RP1: variants seen among roughly 807,000 people sequenced by gnomAD.
RP1 encodes RP1 axonemal microtubule associated, also known as oxygen-regulated protein 1.
RP1 carries 16 observed loss-of-function variants against 14.8 expected under a neutral mutation model. The observed-to-expected ratio is 1.08, with a 90% confidence interval of 0.73 to 1.65. RP1 has a LOEUF of 1.65. Ranked by LOEUF, RP1 falls within the 40% of genes most tolerant of loss-of-function variation. The pLI is 0.00. For missense variants in RP1, 2,631 were observed against 2,535.0 expected (o/e 1.04, Z -0.81); for synonymous variants, 876 against 883.6 (o/e 0.99, Z 0.15).
At chr8:54,748,356 T>C (rs971204345) in intron 19 of RP1, among the ~76,000 whole-genome samples, 1 of 152,212 alleles carries the variant, frequency 6.6e-6, no homozygotes, top group Non-Finnish European at 1.5e-5. Flanking sequence ...AGCACCAGCT[T>C]CTTTTCACAA....
At chr8:54,760,483 T>C (rs1028805000) in intron 22 of RP1, among the ~76,000 whole-genome samples, 6 of 152,194 alleles carry the variant, frequency 3.9e-5, no homozygotes, top group Non-Finnish European at 8.8e-5. Flanking sequence ...TGCCTGAAAA[T>C]GTTTCAAGAA....
chr8:54,719,408 C>T (rs1808484083), intron 15 of RP1, among the ~76,000 whole-genome samples: 1 of 152,070 alleles, frequency 6.6e-6, no homozygotes, highest in Non-Finnish European at 1.5e-5. Context: ...TGAGGGGAGA[C>T]CAGAATATAA....
At position 54,865,845 on chromosome 8, in the gene RP1, G is replaced by A. The variant is rs1422538087; in HGVS notation, c.4080G>A (p.Trp1360Ter). 3 of 1,222,892 alleles carry A rather than the reference G, an allele frequency of 2.5e-6. No homozygotes were observed. The highest frequency in any genetic ancestry group is 4.1e-5 in the South Asian group (1 of 24,162). The allele number at this position is 1,222,892 out of a possible 1,614,324, so 75.8% of individuals were successfully genotyped here. The stretch of plus-strand genomic sequence containing the variant: ...TGTCAACTGACACAGGTAATGGATG[G>A]TTTCTTGGGAGTATTGTTGTTAAGT... The change falls in exon 28 of 29, where the codon TGG becomes TGA. Residue 1360 changes from tryptophan (W) to a stop codon, truncating the protein, a stop_gained. Coordinates refer to the RP1 transcript ENST00000637698. LOFTEE classifies it high-confidence loss of function.
chr8:54,834,769 A>T (rs1383082549), intron 24 of RP1, among the ~76,000 whole-genome samples: 1 of 151,734 alleles, frequency 6.6e-6, no homozygotes, highest in Non-Finnish European at 1.5e-5. Flanking sequence ...TTTAGTTTAT[A>T]CTTCTACATT....
At chr8:54,719,714 A>C (rs1280562602) in intron 15 of RP1, among the ~76,000 whole-genome samples, 1 of 152,192 alleles carries the variant, frequency 6.6e-6, no homozygotes, top group African/African-American at 2.4e-5. Context: ...AGCACAGAAA[A>C]TTGGTTTACA....
chr8:54,789,274 C>A (rs1441900745), intron 24 of RP1, among the ~76,000 whole-genome samples: 1 of 152,166 alleles, frequency 6.6e-6, no homozygotes, highest in Admixed American at 6.5e-5. Context: ...TACTGTCTGG[C>A]TAGAGAATAC....
intron 25 of RP1, chr8:54,837,799 G>A: frequency 2.2e-6 from 1 of 463,054 alleles, no homozygotes. Flanking sequence ...GGGCTATAAA[G>A]TCTCTGCCAA....
rs866531459 is a variant in RP1, at chr8:54,575,170, C to T, written c.-13+15850C>T. Among the ~76,000 whole-genome samples the T allele has an allele frequency of 7.2e-5, 11 of 152,248 alleles. No individual in the cohort carries two copies. In the Middle Eastern group the frequency reaches 0.01, roughly 141 times the overall value. On this transcript the variant is annotated intron_variant, in intron 1 of 22. Coordinates refer to the RP1 transcript ENST00000636932. Reference sequence around the variant, plus strand: ...GAAGCAGAGGGTGGATACTGTGACTCAGGGTTTCTGTAGATACAAATCCTT... The same window carrying T: ...GAAGCAGAGGGTGGATACTGTGACTTAGGGTTTCTGTAGATACAAATCCTT...
chr8:54,759,132 G>T, intron 22 of RP1: 2 of 190,868 alleles, frequency 1.0e-5, no homozygotes. Flanking sequence ...GGATGATGCT[G>T]TGTGTGTGTG....
chr8:54,604,485 C>T (rs80020273), intron 1 of RP1, among the ~76,000 whole-genome samples: 108,614 of 152,094 alleles, frequency 0.71, 40,050 homozygotes, highest in African/African-American at 0.88. Flanking sequence ...TCAGGGATAT[C>T]GGTCTAAAAT....
chr8:54,756,919 G>A (rs34618937), intron 21 of RP1, among the ~76,000 whole-genome samples: 1 of 152,192 alleles, frequency 6.6e-6, no homozygotes, highest in Non-Finnish European at 1.5e-5. Context: ...CCAGACAGTA[G>A]GGAGGGTGTA....
intron 8 of RP1, among the ~76,000 whole-genome samples, chr8:54,674,895 A>G (rs1807260895): frequency 6.6e-6 from 1 of 152,198 alleles, no homozygotes; most frequent in South Asian, 2.1e-4. Flanking sequence ...AGCTAATTTT[A>G]CAGAGTCTAG....
At chr8:54,871,063 G>A (rs1197460572) in exon 29 of RP1, 8 of 152,130 alleles carry the variant, frequency 5.3e-5, no homozygotes. Flanking sequence ...ACCTGTACTA[G>A]TATATGCTTG....
intron 8 of RP1, chr8:54,674,020 G>A: frequency 1.0e-6 from 1 of 964,692 alleles, no homozygotes; most frequent in Non-Finnish European, 1.5e-6. Context: ...GTGGAAAATT[G>A]GTAGAAAATG....
chr8:54,625,514 A>C lies in RP1; in HGVS notation c.1632A>C (p.Ala544=). The stretch of plus-strand genomic sequence containing the variant: ...AAAACAGTCTGCTTAAGTCAAGTGC[A>C]ATAAGTGCTGGTGTTATAGAAATTA... The part of the protein sequence containing the change: ...KKENSLLKSS[A]ISAGVIEITS... Residue 544 remains alanine, a synonymous_variant, in exon 4 of 4, where the codon GCA becomes GCC. Coordinates refer to ENST00000220676, the MANE Select transcript of RP1 (RefSeq NM_006269.2). 2 of 1,614,092 alleles carry C rather than the reference A, an allele frequency of 1.2e-6. No homozygotes were observed. Among genetic ancestry groups the C allele is most frequent in the Non-Finnish European group, 1.7e-6 (2 of 1,180,028 alleles).
rs779841922 is a variant in RP1, at chr8:54,701,588, C to T, written c.1924C>T (p.Arg642Cys). 5.9e-6 allele frequency: 9 copies of T among 1,535,426 alleles called. No homozygotes were observed. In the African/African-American group the frequency reaches 9.6e-5, roughly 16 times the overall value. Residue 642 changes from arginine to cysteine, a missense_variant, in exon 14 of 23, where the codon CGT becomes TGT. By Grantham distance (180) the Arg-to-Cys change is radical. Coordinates refer to the RP1 transcript ENST00000636932. ...TCCTGGTCACACAGTTGTTTTTGAT[C>T]GTCATGGCAAAATAGCTGATGCATC... is the stretch of plus-strand genomic sequence containing the variant.
intron 1 of RP1, among the ~76,000 whole-genome samples, chr8:54,563,279 A>G (rs1452421600): frequency 6.6e-6 from 1 of 152,176 alleles, no homozygotes; most frequent in Non-Finnish European, 1.5e-5. Context: ...TTGACCACAC[A>G]GGAAATTCCT....
chr8:54,785,927 C>T (rs1810306747), intron 24 of RP1, among the ~76,000 whole-genome samples: 1 of 151,970 alleles, frequency 6.6e-6, no homozygotes, highest in African/African-American at 2.4e-5. Flanking sequence ...TTAATTGGAT[C>T]ATTTGTCTTT....
chr8:54,581,877 A>C (rs1804800570), intron 1 of RP1, among the ~76,000 whole-genome samples: 1 of 151,872 alleles, frequency 6.6e-6, no homozygotes. Context: ...CATTTGTTTG[A>C]GTTCATTGTA....
Sources: allele counts gnomAD v4.1 joint callset (sites outside exome capture counted in the v4.1 genomes callset), GRCh38; gene constraint gnomAD v4.1.1; transcripts MANE v1.5; gene names NCBI Gene and HGNC (gene_info 2026-07-23, HGNC 2026-07-21).